Variants in TACR1 observed in about 807,000 individuals in gnomAD.
The protein encoded by TACR1 is tachykinin receptor 1, also known as substance-P receptor.
Under a neutral mutation model 35.8 loss-of-function variants are expected in TACR1, and 25 were observed. The observed-to-expected ratio is 0.70, with a 90% confidence interval of 0.51 to 0.98. TACR1 has a LOEUF of 0.98. Among genes scored for constraint, TACR1 ranks in the 50% least tolerant of loss-of-function variants. TACR1 has a pLI of 0.00. For missense variants in TACR1, 478 were observed against 522.9 expected (o/e 0.91, Z 0.84); for synonymous variants, 195 against 206.7 (o/e 0.94, Z 0.48).
At chr2:75,157,195 C>T (rs978672449) in intron 1 of TACR1, among the ~76,000 whole-genome samples, 8 of 152,222 alleles carry the variant, frequency 5.3e-5, no homozygotes, top group Middle Eastern at 3.4e-3. Context: ...AAGGCACCAC[C>T]GTGGAGCAAA....
chr2:75,174,365 A>C (rs903356604), intron 1 of TACR1, among the ~76,000 whole-genome samples: 2 of 152,048 alleles, frequency 1.3e-5, no homozygotes, highest in Admixed American at 1.3e-4. Flanking sequence ...ATATAGACTA[A>C]ATTATGTTTT....
intron 1 of TACR1, among the ~76,000 whole-genome samples, chr2:75,157,284 A>G (rs1674886422): frequency 6.6e-6 from 1 of 152,070 alleles, no homozygotes; most frequent in Non-Finnish European, 1.5e-5. Context: ...CATTTTCCTT[A>G]CTACCATCTG....
chr2:75,197,646 T>C (rs1227060105), intron 1 of TACR1, among the ~76,000 whole-genome samples: 2 of 152,150 alleles, frequency 1.3e-5, no homozygotes, highest in Non-Finnish European at 2.9e-5. Context: ...CAGAATACCA[T>C]CCCCAGTGTT....
intron 1 of TACR1, among the ~76,000 whole-genome samples, chr2:75,168,586 C>T (rs1426568197): frequency 1.3e-5 from 2 of 152,176 alleles, no homozygotes. Context: ...GGAAAGAACA[C>T]AGCTCTGCCA....
intron 1 of TACR1, among the ~76,000 whole-genome samples, chr2:75,167,412 C>A (rs1224528338): frequency 6.6e-6 from 1 of 151,986 alleles, no homozygotes; most frequent in Non-Finnish European, 1.5e-5. Flanking sequence ...AGAATAAAGT[C>A]CTAATAATCA....
rs750965713 is a variant in TACR1, at chr2:75,198,577, T to C, written c.358A>G (p.Ile120Val). ...FFPIAAVFAS[I>V]YSMTAVAFDR... is the part of the protein sequence containing the mutation. ...AAGGCCACAGCCGTCATGGAGTAGATACTGGCGAAGACAGCGGCGATGGGA... is the reference window on the plus strand; with the variant it reads ...AAGGCCACAGCCGTCATGGAGTAGACACTGGCGAAGACAGCGGCGATGGGA... Residue 120 changes from isoleucine (I) to valine (V), a missense_variant, in exon 1 of 5, where the codon ATC (isoleucine) becomes GTC (valine). Transcript: ENST00000305249. 5.6e-6 allele frequency: 9 copies of C among 1,613,938 alleles called. No homozygotes were observed. Among genetic ancestry groups the C allele is most frequent in the Non-Finnish European group, 7.6e-6 (9 of 1,179,958 alleles).
At chr2:75,185,439 A>G (rs534270225) in intron 1 of TACR1, among the ~76,000 whole-genome samples, 2 of 152,248 alleles carry the variant, frequency 1.3e-5, no homozygotes, top group East Asian at 3.9e-4. Context: ...AACCTGAAAT[A>G]TAAAAAATTT....
intron 1 of TACR1, among the ~76,000 whole-genome samples, chr2:75,152,151 T>G (rs754613182): frequency 9.9e-5 from 15 of 152,182 alleles, no homozygotes; most frequent in Non-Finnish European, 1.5e-4. Context: ...AATGGGTTAA[T>G]GATGAAATGA....
intron 1 of TACR1, among the ~76,000 whole-genome samples, chr2:75,130,857 A>G (rs562288648): frequency 6.6e-6 from 1 of 152,210 alleles, no homozygotes; most frequent in Non-Finnish European, 1.5e-5. Flanking sequence ...TTTCCTCATC[A>G]TTCTGTGAAG....
chr2:75,170,691 T>C (rs1433063770), intron 1 of TACR1, among the ~76,000 whole-genome samples: 1 of 152,158 alleles, frequency 6.6e-6, no homozygotes, highest in Non-Finnish European at 1.5e-5. Context: ...CAGATGGAGA[T>C]GAGGAACTTG....
At chr2:75,135,882 C>T (rs1329624388) in intron 1 of TACR1, among the ~76,000 whole-genome samples, 1 of 152,166 alleles carries the variant, frequency 6.6e-6, no homozygotes, top group Non-Finnish European at 1.5e-5. Flanking sequence ...GAGCCTGATT[C>T]ACCCTCTCCC....
chr2:75,169,736 T>G lies in TACR1; in HGVS notation c.389+28810A>C, dbSNP rs116455702. On this transcript the variant is annotated intron_variant, in intron 1 of 4. Coordinates refer to ENST00000305249, the MANE Select transcript of TACR1 (RefSeq NM_001058.4). ...AAAGTAGATTCTGCTCAGGAAAGTT[T>G]TATTCTATTGTAATTTTATGATAGC... Among the ~76,000 whole-genome samples, 915 of 152,326 alleles carry G rather than the reference T, an allele frequency of 6.0e-3. 7 individuals are homozygous for G. The highest frequency in any genetic ancestry group is 0.019 in the African/African-American group (784 of 41,570).
chr2:75,180,146 T>C (rs1312673246), intron 1 of TACR1, among the ~76,000 whole-genome samples: 1 of 152,208 alleles, frequency 6.6e-6, no homozygotes, highest in African/African-American at 2.4e-5. Flanking sequence ...AAAAGCCTTC[T>C]GTAATCTCCC....
At position 75,198,792 on chromosome 2, in the gene TACR1, A is replaced by G. The variant is rs754693735; in HGVS notation, c.143T>C (p.Val48Ala). ...AYTVIVVTSV[V>A]GNVVVMWIIL... Reference sequence around the variant, plus strand: ...GATCCACATCACTACCACGTTGCCCACCACAGAGGTCACCACAATGACCGT... The same window carrying G: ...GATCCACATCACTACCACGTTGCCCGCCACAGAGGTCACCACAATGACCGT... Residue 48 changes from valine (V) to alanine (A), a missense_variant, in exon 1 of 5, where the codon GTG (valine) becomes GCG (alanine). Coordinates refer to ENST00000305249, the MANE Select transcript of TACR1 (RefSeq NM_001058.4). 3 of 1,614,148 alleles carry G rather than the reference A, an allele frequency of 1.9e-6. No individual in the cohort carries two copies. The Admixed American group carries it at 5.0e-5, about 27-fold the overall frequency.
rs1397919890 is a variant in TACR1, at chr2:75,047,785, T to C, written c.*1647A>G. The stretch of plus-strand genomic sequence containing the variant: ...ACTGTTTCTTCTTCCCCCAGGCCTG[T>C]GGATGCCCTGGTAGAATTAGAGCCA... On this transcript the variant is annotated 3_prime_UTR_variant, in exon 5 of 5. Transcript: ENST00000305249. 1.3e-5 allele frequency: 2 copies of C among 152,232 alleles called. No individual in the cohort carries two copies. Among genetic ancestry groups the C allele is most frequent in the Middle Eastern group, 3.4e-3 (1 of 294 alleles). The allele number at this position is 152,232 out of a possible 1,614,324, so 9.4% of individuals were successfully genotyped here.
At chr2:75,084,429 A>T (rs1443928537) in intron 2 of TACR1, among the ~76,000 whole-genome samples, 1 of 152,134 alleles carries the variant, frequency 6.6e-6, no homozygotes, top group Non-Finnish European at 1.5e-5. Context: ...TATCAGGATG[A>T]TGTTGGCCTC....
intron 1 of TACR1, among the ~76,000 whole-genome samples, chr2:75,162,818 T>G (rs1243162772): frequency 2.0e-5 from 3 of 152,234 alleles, no homozygotes; most frequent in African/African-American, 7.2e-5. Flanking sequence ...ATTTTGTTGA[T>G]GTTTCAAGGT....
intron 2 of TACR1, among the ~76,000 whole-genome samples, chr2:75,089,697 G>A (rs1673267474): frequency 6.6e-6 from 1 of 152,138 alleles, no homozygotes; most frequent in African/African-American, 2.4e-5. Context: ...GTGCGCTGGT[G>A]GCAGAGGCTG....
chr2:75,136,323 G>A (rs947323562), intron 1 of TACR1, among the ~76,000 whole-genome samples: 25 of 152,168 alleles, frequency 1.6e-4, no homozygotes, highest in African/African-American at 6.0e-4. Flanking sequence ...AGCAGAGGAC[G>A]TGCTAAAGAC....
Sources: gnomAD v4.1 joint callset for allele counts (sites outside exome capture counted in the v4.1 genomes callset) on GRCh38, gnomAD v4.1.1 for gene constraint, MANE v1.5 for transcripts, NCBI Gene and HGNC (gene_info 2026-07-23, HGNC 2026-07-21) for gene names.